Variants in NAALADL2 observed in about 807,000 individuals in gnomAD.
The protein encoded by NAALADL2 is inactive N-acetylated-alpha-linked acidic dipeptidase-like protein 2.
In NAALADL2, 76 loss-of-function variants were observed where a neutral mutation model predicts 87.2. The ratio of observed to expected loss-of-function variants is 0.87; its 90% confidence interval spans 0.72 to 1.05. The LOEUF (loss-of-function observed/expected upper bound fraction) is 1.05. NAALADL2 is among the 50% of genes least tolerant of loss of function. NAALADL2 has a pLI of 0.00. For missense variants in NAALADL2, 1,089 were observed against 945.8 expected (o/e 1.15, Z -1.99); for synonymous variants, 354 against 331.0 (o/e 1.07, Z -0.75).
chr3:174,609,475 A>T (rs1317255364), intron 2 of NAALADL2, among the ~76,000 whole-genome samples: 2 of 152,154 alleles, frequency 1.3e-5, no homozygotes, highest in African/African-American at 4.8e-5. Context: ...ATCTCAGGAT[A>T]CAAAATCAAT....
chr3:175,343,872 AC>A (rs1462992446), intron 5 of NAALADL2, among the ~76,000 whole-genome samples: 1 of 151,928 alleles, frequency 6.6e-6, no homozygotes, highest in Non-Finnish European at 1.5e-5. Flanking sequence ...ATGAATGGAA[AC>A]TGTGTTAGAG....
chr3:174,889,955 AT>A (rs1210732979), intron 1 of NAALADL2, among the ~76,000 whole-genome samples: 1 of 152,108 alleles, frequency 6.6e-6, no homozygotes, highest in Non-Finnish European at 1.5e-5. Context: ...GAGTGTGTGA[AT>A]TTTTCCCCTT....
intron 10 of NAALADL2, among the ~76,000 whole-genome samples, chr3:175,587,148 G>A (rs961362075): frequency 6.6e-5 from 10 of 152,278 alleles, no homozygotes; most frequent in South Asian, 2.1e-4. Context: ...AGCATTGATC[G>A]TGGATCCCAA....
chr3:174,613,231 G>A (rs1165756955), intron 2 of NAALADL2, among the ~76,000 whole-genome samples: 1 of 152,066 alleles, frequency 6.6e-6, no homozygotes, highest in Non-Finnish European at 1.5e-5. Flanking sequence ...ACTGTGCTGG[G>A]TCAGACCTGA....
At chr3:175,049,577 G>A (rs1329598769) in intron 1 of NAALADL2, among the ~76,000 whole-genome samples, 1 of 152,142 alleles carries the variant, frequency 6.6e-6, no homozygotes, top group African/African-American at 2.4e-5. Flanking sequence ...TAGCACCATG[G>A]CCACAAGAGA....
At chr3:175,639,562 C>T (rs979585042) in intron 11 of NAALADL2, among the ~76,000 whole-genome samples, 6 of 151,820 alleles carry the variant, frequency 4.0e-5, no homozygotes, top group African/African-American at 1.2e-4. Flanking sequence ...CCTCGTGATC[C>T]GCCCACCTCG....
chr3:174,667,657 G>C (rs1726102087), intron 2 of NAALADL2, among the ~76,000 whole-genome samples: 1 of 148,874 alleles, frequency 6.7e-6, no homozygotes, highest in Admixed American at 6.9e-5. Context: ...TAAATTGACT[G>C]TTATCTCTTG....
chr3:174,807,705 T>C (rs1719668065), intron 3 of NAALADL2, among the ~76,000 whole-genome samples: 1 of 152,144 alleles, frequency 6.6e-6, no homozygotes, highest in African/African-American at 2.4e-5. Context: ...TTTAAAATAT[T>C]GGTCTTACAT....
At chr3:175,495,696 T>TC (rs1436915214) in intron 9 of NAALADL2, among the ~76,000 whole-genome samples, 2 of 152,050 alleles carry the variant, frequency 1.3e-5, no homozygotes, top group Non-Finnish European at 2.9e-5. Context: ...ACCACTTACT[T>TC]CCCCATGTTC....
intron 1 of NAALADL2, among the ~76,000 whole-genome samples, chr3:175,071,857 A>G (rs1468911795): frequency 6.6e-6 from 1 of 152,110 alleles, no homozygotes; most frequent in South Asian, 2.1e-4. Context: ...TTAATTCCCC[A>G]GTGACTTCTT....
chr3:174,719,356 G>A (rs1382829426), intron 2 of NAALADL2, among the ~76,000 whole-genome samples: 1 of 151,964 alleles, frequency 6.6e-6, no homozygotes, highest in Non-Finnish European at 1.5e-5. Context: ...GCCATATGCA[G>A]GTTTTCTTTT....
At chr3:174,841,342 A>G (rs1724002279) in intron 3 of NAALADL2, among the ~76,000 whole-genome samples, 2 of 152,316 alleles carry the variant, frequency 1.3e-5, no homozygotes, top group South Asian at 2.1e-4. Flanking sequence ...CCTAAAGATA[A>G]CAAGAAACCT....
At chr3:174,795,072 A>G (rs913558010) in intron 3 of NAALADL2, among the ~76,000 whole-genome samples, 3 of 142,366 alleles carry the variant, frequency 2.1e-5, no homozygotes, top group Admixed American at 1.5e-4. Context: ...GCACACCACA[A>G]CCTCCGCCTC....
chr3:174,559,501 A>G (rs994187514), intron 2 of NAALADL2, among the ~76,000 whole-genome samples: 2 of 152,068 alleles, frequency 1.3e-5, no homozygotes, highest in East Asian at 3.9e-4. Context: ...ATTATCGTGC[A>G]AGATGGAGTT....
At chr3:175,257,774 CA>C (rs921705029) in intron 4 of NAALADL2, among the ~76,000 whole-genome samples, 13 of 151,480 alleles carry the variant, frequency 8.6e-5, no homozygotes, top group African/African-American at 2.9e-4. Context: ...CCTCATAAAT[CA>C]AAAAAAAGAT....
At chr3:174,486,534 G>A (rs1354700950) in intron 1 of NAALADL2, among the ~76,000 whole-genome samples, 2 of 151,948 alleles carry the variant, frequency 1.3e-5, no homozygotes, top group Non-Finnish European at 2.9e-5. Context: ...TTTCCACTCT[G>A]GTAAATTGCG....
In NAALADL2 at chr3:175,804,508, T is replaced by C. The variant is rs1438352955; in HGVS notation, c.*1305T>C. The C allele has an allele frequency of 6.6e-6, 1 of 151,828 alleles. No individual in the cohort carries two copies. Among genetic ancestry groups the C allele is most frequent in the East Asian group, 1.9e-4 (1 of 5,168 alleles). 9.4% of individuals were successfully genotyped at this position (151,828 alleles called of 1,614,324 possible). ...GGTGTCAGGTTAAAGTTCTAATTTA[T>C]CTTTAGAAATTTATGTGAAAAATGG... is the stretch of plus-strand genomic sequence containing the variant. On this transcript the variant is annotated 3_prime_UTR_variant, in exon 14 of 14. Transcript: ENST00000454872.
intron 2 of NAALADL2, among the ~76,000 whole-genome samples, chr3:175,189,068 T>A (rs1737764024): frequency 6.6e-6 from 1 of 152,170 alleles, no homozygotes; most frequent in East Asian, 1.9e-4. Context: ...GGAGAGTGAA[T>A]CTTCATCTTA....
At chr3:175,184,985 A>T (rs1037657890) in intron 2 of NAALADL2, among the ~76,000 whole-genome samples, 1 of 151,884 alleles carries the variant, frequency 6.6e-6, no homozygotes, top group African/African-American at 2.4e-5. Flanking sequence ...GTTGTTGAGG[A>T]CTCCTGTTTC....
Sources: allele counts gnomAD v4.1 joint callset (sites outside exome capture counted in the v4.1 genomes callset), GRCh38; gene constraint gnomAD v4.1.1; transcripts MANE v1.5; gene names NCBI Gene and HGNC (gene_info 2026-07-23, HGNC 2026-07-21).